ERBB4: variants seen among roughly 807,000 people sequenced by gnomAD.
ERBB4 encodes receptor tyrosine-protein kinase erbB-4.
A neutral mutation model predicts 158.0 loss-of-function variants in ERBB4; 42 were observed. The observed-to-expected ratio is 0.27, with a 90% CI of 0.21 to 0.34. The LOEUF (loss-of-function observed/expected upper bound fraction) is 0.34, where lower values mean the gene tolerates loss of function less well. Ranked by LOEUF, ERBB4 falls within the 10% of genes least tolerant of loss-of-function variation. The probability of loss-of-function intolerance (pLI) is 1.00; values close to 1 mark genes in which losing one functional copy is unlikely to be tolerated. For synonymous variants in ERBB4, 583 were observed against 558.7 expected, an observed-to-expected ratio of 1.04 and a Z score of -0.61; for missense variants, 1,333 against 1,624.1, an observed-to-expected ratio of 0.82 and a Z score of 3.08.
intron 2 of ERBB4, among the ~76,000 whole-genome samples, chr2:212,083,930 A>AC (rs1198878429): frequency 6.6e-6 from 1 of 150,974 alleles, no homozygotes; most frequent in Non-Finnish European, 1.5e-5. Context: ...ACAGGAAAAA[A>AC]AAAAAAAAGA....
intron 3 of ERBB4, among the ~76,000 whole-genome samples, chr2:211,827,830 TTTTATTA>T (rs2077136683): frequency 6.6e-6 from 1 of 152,112 alleles, no homozygotes; most frequent in African/African-American, 2.4e-5. Flanking sequence ...ATTATTTTAT[TTTTATTA>T]TATACAATAA....
At chr2:212,490,151 G>C (rs1228143145) in intron 1 of ERBB4, among the ~76,000 whole-genome samples, 1 of 151,650 alleles carries the variant, frequency 6.6e-6, no homozygotes, top group Non-Finnish European at 1.5e-5. Context: ...TTGTCTCCTG[G>C]GTGTGGGATG....
At chr2:212,206,586 G>GTTATTTTTTTTTTTTTTTTTTT (rs1393759656) in intron 1 of ERBB4, among the ~76,000 whole-genome samples, 1 of 66,804 alleles carries the variant, frequency 1.5e-5, no homozygotes, top group African/African-American at 4.9e-5. Context: ...CGTCTGTTCT[G>GTTATTTTTTTTTTTTTTTTTTT]TTCTTTTTTT....
chr2:211,464,981 T>C (rs1331201696), intron 20 of ERBB4, among the ~76,000 whole-genome samples: 1 of 22,824 alleles, frequency 4.4e-5, no homozygotes, highest in Non-Finnish European at 2.2e-4. Context: ...CTTTTTTTTT[T>C]CTTTTTTTTT....
intron 2 of ERBB4, among the ~76,000 whole-genome samples, chr2:212,050,232 C>T (rs867880653): frequency 3.9e-5 from 6 of 151,962 alleles, no homozygotes; most frequent in African/African-American, 9.7e-5. Flanking sequence ...CTCAGGTAAT[C>T]GTATCAGAAA....
rs373493905 is a variant in ERBB4, at chr2:211,717,588, G to A, written c.884-3940C>T. On this transcript the variant is annotated intron_variant, in intron 7 of 27. Transcript: ENST00000342788. ...CTCACGCCTGTAATCCCAGCACTTTGGGAGGCCGAGGGAGGTGGATTAACT... is the reference window on the plus strand; with the variant it reads ...CTCACGCCTGTAATCCCAGCACTTTAGGAGGCCGAGGGAGGTGGATTAACT... Among the ~76,000 whole-genome samples the A allele has an allele frequency of 1.2e-4, 18 of 152,216 alleles. No homozygotes were observed. The East Asian group carries it at 2.5e-3, about 21-fold the overall frequency.
rs2062490820 is a variant in ERBB4 at position 211,377,215 on chromosome 2, C to T, written c.*6400G>A. The T allele has an allele frequency of 4.3e-6, 1 of 232,606 alleles. No homozygotes were observed. Among genetic ancestry groups the T allele is most frequent in the African/African-American group, 2.2e-5 (1 of 45,200 alleles). The allele number at this position is 232,606 out of a possible 1,614,324, so 14.4% of individuals were successfully genotyped here. A position where few individuals can be genotyped will look rare whatever the true frequency, so the allele number is the denominator to read the frequency against. ...AATTAACTAAAAAATCTGGAAATGACATTTGAAAACCAGATTCGTGTCAAT... is the reference window on the plus strand; with the variant it reads ...AATTAACTAAAAAATCTGGAAATGATATTTGAAAACCAGATTCGTGTCAAT... On this transcript the variant is annotated 3_prime_UTR_variant, in exon 28 of 28. Transcript: ENST00000342788.
chr2:212,182,463 A>G (rs1224077945), intron 1 of ERBB4, among the ~76,000 whole-genome samples: 1 of 151,894 alleles, frequency 6.6e-6, no homozygotes. Context: ...AGCTTGTCCT[A>G]GTATTTTTAG....
At chr2:212,261,797 T>C (rs2084955838) in intron 1 of ERBB4, among the ~76,000 whole-genome samples, 1 of 152,160 alleles carries the variant, frequency 6.6e-6, no homozygotes, top group South Asian at 2.1e-4. Flanking sequence ...ATGTGTTATA[T>C]ATGTGGCATT....
chr2:211,935,224 G>A (rs1391135974), intron 3 of ERBB4, among the ~76,000 whole-genome samples: 1 of 152,094 alleles, frequency 6.6e-6, no homozygotes, highest in Non-Finnish European at 1.5e-5. Context: ...CTACAGTGAT[G>A]GTTAACTTTA....
intron 3 of ERBB4, among the ~76,000 whole-genome samples, chr2:211,902,737 C>T (rs1453216713): frequency 1.3e-5 from 2 of 151,120 alleles, no homozygotes; most frequent in Non-Finnish European, 3.0e-5. Flanking sequence ...TTTTCATATC[C>T]TTCTATATAC....
chr2:212,113,861 G>T (rs536751901), intron 2 of ERBB4, among the ~76,000 whole-genome samples: 160 of 152,192 alleles, frequency 1.1e-3, no homozygotes, highest in Non-Finnish European at 1.9e-3. Context: ...TAAGATGAAA[G>T]GTACTACAGA....
chr2:211,395,081 T>C (rs1182971734), intron 25 of ERBB4, among the ~76,000 whole-genome samples: 1 of 152,156 alleles, frequency 6.6e-6, no homozygotes, highest in Non-Finnish European at 1.5e-5. Flanking sequence ...TTGTAAAATG[T>C]GATTAACATT....
intron 2 of ERBB4, among the ~76,000 whole-genome samples, chr2:212,003,210 A>ACGG: frequency 1.4e-4 from 8 of 55,376 alleles, no homozygotes; most frequent in African/African-American, 4.0e-4. Flanking sequence ...AGAAAGACAG[A>ACGG]AAGAAGGAAG....
At chr2:212,504,485 G>A (rs1691073106) in intron 1 of ERBB4, among the ~76,000 whole-genome samples, 1 of 151,378 alleles carries the variant, frequency 6.6e-6, no homozygotes, top group South Asian at 2.1e-4. Context: ...TCCTGAAAAA[G>A]CCTATAGAGA....
chr2:212,375,249 C>A (rs113496332), intron 1 of ERBB4, among the ~76,000 whole-genome samples: 1 of 151,994 alleles, frequency 6.6e-6, no homozygotes, highest in Non-Finnish European at 1.5e-5. Flanking sequence ...GGTACTACCA[C>A]AGTAATATAA....
intron 2 of ERBB4, among the ~76,000 whole-genome samples, chr2:212,012,897 A>G (rs190284473): frequency 2.0e-5 from 3 of 152,018 alleles, no homozygotes; most frequent in Admixed American, 2.0e-4. Context: ...GATGCATGTC[A>G]CCACACCTGG....
At chr2:212,458,342 A>T (rs1688404860) in intron 1 of ERBB4, among the ~76,000 whole-genome samples, 1 of 152,086 alleles carries the variant, frequency 6.6e-6, no homozygotes, top group Non-Finnish European at 1.5e-5. Context: ...GCTCTGAAAG[A>T]TATATAGAAA....
chr2:212,421,349 A>G (rs1179293095), intron 1 of ERBB4, among the ~76,000 whole-genome samples: 1 of 152,152 alleles, frequency 6.6e-6, no homozygotes, highest in Non-Finnish European at 1.5e-5. Context: ...TTAGGGTCAC[A>G]TTGACAGCTG....
Sources: gnomAD v4.1 joint callset for allele counts (sites outside exome capture counted in the v4.1 genomes callset) on GRCh38, gnomAD v4.1.1 for gene constraint, MANE v1.5 for transcripts, NCBI Gene and HGNC (gene_info 2026-07-23, HGNC 2026-07-21) for gene names.